Variants in AP1M1 observed in about 807,000 individuals in gnomAD.
AP1M1 encodes adaptor related protein complex 1 subunit mu 1.
AP1M1 carries 18 observed loss-of-function variants against 57.1 expected under a neutral mutation model. The observed-to-expected ratio is 0.32, with a 90% CI of 0.22 to 0.47. AP1M1 has a LOEUF of 0.47. AP1M1 is among the 20% of genes least tolerant of loss of function. The probability of loss-of-function intolerance (pLI) is 1.00; values close to 1 mark genes in which losing one functional copy is unlikely to be tolerated. For synonymous variants in AP1M1, 241 were observed against 237.9 expected, an observed-to-expected ratio of 1.01 and a Z score of -0.12; for missense variants, 362 against 593.5, an observed-to-expected ratio of 0.61 and a Z score of 4.05.
intron 1 of AP1M1, among the ~76,000 whole-genome samples, chr19:16,201,995 C>T (rs1369834998): frequency 1.3e-5 from 2 of 152,140 alleles, no homozygotes; most frequent in African/African-American, 2.4e-5. Context: ...CGTCTGGCTT[C>T]TGTGTAGGAA....
rs71334606 is a variant in AP1M1 at position 16,199,144 on chromosome 19, AG to A, written c.42+1080del. ...GTTCTTACGGTGTTCACAGGCTGGTAGGGGAGATGGATACCCATCTCCAAAA... is the reference window on the plus strand; with the variant it reads ...GTTCTTACGGTGTTCACAGGCTGGTAGGGAGATGGATACCCATCTCCAAAA... On this transcript the variant is annotated intron_variant, in intron 1 of 11. Transcript: ENST00000291439. Among the ~76,000 whole-genome samples the A allele has an allele frequency of 5.9e-5, 9 of 152,248 alleles. No homozygotes were observed. In the South Asian group the frequency reaches 8.3e-4, roughly 14 times the overall value.
At chr19:16,209,904 C>T (rs1191055607) in intron 5 of AP1M1, among the ~76,000 whole-genome samples, 1 of 152,050 alleles carries the variant, frequency 6.6e-6, no homozygotes, top group East Asian at 1.9e-4. Flanking sequence ...AGCGCTTGTA[C>T]AGATTTGTGT....
Position 16,197,968 on chromosome 19 carries a change from C to A in AP1M1, c.-59C>A. 2 of 1,487,314 alleles carry A rather than the reference C, an allele frequency of 1.3e-6. No homozygotes were observed. The highest frequency in any genetic ancestry group is 2.7e-5 in the East Asian group (1 of 36,522). The allele number at this position is 1,487,314 out of a possible 1,614,324, so 92.1% of individuals were successfully genotyped here. On this transcript the variant is annotated 5_prime_UTR_variant, in exon 1 of 12. Coordinates refer to ENST00000291439, the MANE Select transcript of AP1M1 (RefSeq NM_032493.4). ...CGGCCTTGCTCAACGCCCAGCAGTCCCCACCGTCGCTGCCGCCGCCACCGC... is the reference window on the plus strand; with the variant it reads ...CGGCCTTGCTCAACGCCCAGCAGTCACCACCGTCGCTGCCGCCGCCACCGC...
chr19:16,221,959 T>C (rs985475181), intron 5 of AP1M1, among the ~76,000 whole-genome samples: 1 of 152,166 alleles, frequency 6.6e-6, no homozygotes, highest in African/African-American at 2.4e-5. Context: ...GTGCTGGGAT[T>C]ACAGGCATGA....
chr19:16,231,313 C>CA (rs796599496), intron 9 of AP1M1, among the ~76,000 whole-genome samples: 1 of 42,814 alleles, frequency 2.3e-5, no homozygotes, highest in African/African-American at 4.5e-5. Flanking sequence ...AAAAAAAACA[C>CA]AGAGAGAGAT....
At position 16,203,143 on chromosome 19, in the gene AP1M1, G is replaced by C; in HGVS notation, c.43-316G>C. On this transcript the variant is annotated intron_variant, in intron 1 of 11. Transcript: ENST00000291439. The surrounding 1 kb of genome is among the most constrained non-coding windows in gnomAD (Gnocchi z 4.6). ...AAGGCTCTGAGAAGGTCTGCATTGA[G>C]AGCTTGTGAGGCATTGCTTAACCTG... is the stretch of plus-strand genomic sequence containing the variant. 2.8e-6 allele frequency: 1 copy of C among 352,390 alleles called. No individual in the cohort carries two copies. Among genetic ancestry groups the C allele is most frequent in the Non-Finnish European group, 5.3e-6 (1 of 188,068 alleles). 21.8% of individuals were successfully genotyped at this position (352,390 alleles called of 1,614,324 possible). A position where few individuals can be genotyped will look rare whatever the true frequency, so the allele number is the denominator to read the frequency against.
In AP1M1 at chr19:16,239,097, C is replaced by T. The variant is rs980002872; in HGVS notation, c.*4662C>T. 1 of 151,276 alleles carries T rather than the reference C, an allele frequency of 6.6e-6. No individual in the cohort carries two copies. Among genetic ancestry groups the T allele is most frequent in the Non-Finnish European group, 1.5e-5 (1 of 67,900 alleles). 9.4% of individuals were successfully genotyped at this position (151,276 alleles called of 1,614,324 possible). A position where few individuals can be genotyped will look rare whatever the true frequency, so the allele number is the denominator to read the frequency against. ...TACAGGCATGCGCCACCATGCCTGGCTAATTTTGTATTTTTGGTAGAGACG... is the reference window on the plus strand; with the variant it reads ...TACAGGCATGCGCCACCATGCCTGGTTAATTTTGTATTTTTGGTAGAGACG... On this transcript the variant is annotated 3_prime_UTR_variant, in exon 12 of 12. Coordinates refer to ENST00000291439, the MANE Select transcript of AP1M1 (RefSeq NM_032493.4).
At chr19:16,212,330 A>G (rs1232963937) in intron 5 of AP1M1, among the ~76,000 whole-genome samples, 6 of 152,178 alleles carry the variant, frequency 3.9e-5, no homozygotes, top group Admixed American at 3.9e-4. Flanking sequence ...CCATCTTGGA[A>G]GGGTATATGT....
rs1004488607 is a variant in AP1M1 at position 16,238,244 on chromosome 19, T to G, written c.*3809T>G. ...CAGAATTCTCTTGCAGAACTCTAGT[T>G]GAGAAAAGCCCTGAGAAGTCCATGC... On this transcript the variant is annotated 3_prime_UTR_variant, in exon 12 of 12. Coordinates refer to ENST00000291439, the MANE Select transcript of AP1M1 (RefSeq NM_032493.4). 8 of 152,240 alleles carry G rather than the reference T, an allele frequency of 5.3e-5. No homozygotes were observed. The highest frequency in any genetic ancestry group is 4.6e-4 in the Admixed American group (7 of 15,272). The allele number at this position is 152,240 out of a possible 1,614,324, so 9.4% of individuals were successfully genotyped here. A position where few individuals can be genotyped will look rare whatever the true frequency, so the allele number is the denominator to read the frequency against.
At position 16,227,531 on chromosome 19, in the gene AP1M1, C is replaced by G; in HGVS notation, c.674-17C>G. 3.7e-6 allele frequency: 6 copies of G among 1,613,068 alleles called. No individual in the cohort carries two copies. The highest frequency in any genetic ancestry group is 5.1e-6 in the Non-Finnish European group (6 of 1,179,250). On this transcript the variant is annotated splice_polypyrimidine_tract_variant and intron_variant, in intron 6 of 11. Transcript: ENST00000291439. The surrounding 1 kb of genome is among the most constrained non-coding windows in gnomAD (Gnocchi z 6.2). ...CCGGAGGGCCCAGATCTGTCCTACC[C>G]TCACCCCTGACCCCAGGCGGCAAAA...
In AP1M1 at chr19:16,227,086, C is replaced by T. The variant is rs2091574530; in HGVS notation, c.674-462C>T. On this transcript the variant is annotated intron_variant, in intron 6 of 11. Coordinates refer to ENST00000291439, the MANE Select transcript of AP1M1 (RefSeq NM_032493.4). The surrounding 1 kb of genome is among the most constrained non-coding windows in gnomAD (Gnocchi z 6.2). Reference sequence around the variant, plus strand: ...GCCCCCGTTCCTAGCCCGGTGAGGGCTTCTCGGGCATCAGTCTATCAGGGC... The same window carrying T: ...GCCCCCGTTCCTAGCCCGGTGAGGGTTTCTCGGGCATCAGTCTATCAGGGC... Among the ~76,000 whole-genome samples, 1 of 152,178 alleles carries T rather than the reference C, an allele frequency of 6.6e-6. No homozygotes were observed. Among genetic ancestry groups the T allele is most frequent in the Admixed American group, 6.5e-5 (1 of 15,286 alleles).
rs995449824 is a variant in AP1M1 at position 16,236,936 on chromosome 19, A to C, written c.*2501A>C. 1 of 152,246 alleles carries C rather than the reference A, an allele frequency of 6.6e-6. No individual in the cohort carries two copies. The highest frequency in any genetic ancestry group is 2.4e-5 in the African/African-American group (1 of 41,458). The allele number at this position is 152,246 out of a possible 1,614,324, so 9.4% of individuals were successfully genotyped here. ...AGATTATCGGCATGTAAACAAATAC[A>C]CTATGCAGTCAATCTGTTGCAAGTG... On this transcript the variant is annotated 3_prime_UTR_variant, in exon 12 of 12. Transcript: ENST00000291439.
In AP1M1 at chr19:16,235,403, G is replaced by C. The variant is rs2091620896; in HGVS notation, c.*968G>C. The C allele has an allele frequency of 6.6e-6, 1 of 152,258 alleles. No individual in the cohort carries two copies. Among genetic ancestry groups the C allele is most frequent in the Non-Finnish European group, 1.5e-5 (1 of 68,058 alleles). The allele number at this position is 152,258 out of a possible 1,614,324, so 9.4% of individuals were successfully genotyped here. On this transcript the variant is annotated 3_prime_UTR_variant, in exon 12 of 12. Coordinates refer to ENST00000291439, the MANE Select transcript of AP1M1 (RefSeq NM_032493.4). ...CTCCTCCTGCGTGACCACAGGGCTT[G>C]CCTGGTTTTGTCGCCGACCTTCCCT...
chr19:16,225,955 G>C (rs2091569198), intron 5 of AP1M1, among the ~76,000 whole-genome samples: 1 of 152,156 alleles, frequency 6.6e-6, no homozygotes, highest in African/African-American at 2.4e-5. Flanking sequence ...AGGGACCACA[G>C]GGTCCTGGCC....
At chr19:16,234,116 A>T in intron 10 of AP1M1, 83 bp from the exon 11 acceptor site, 1 of 1,387,244 alleles carries the variant, frequency 7.2e-7, no homozygotes, top group Non-Finnish European at 9.8e-7. Context: ...TGCCAGCCCC[A>T]GGCTGCCCCA....
At chr19:16,202,314 C>T (rs982857627) in intron 1 of AP1M1, among the ~76,000 whole-genome samples, 5 of 152,244 alleles carry the variant, frequency 3.3e-5, no homozygotes, top group Admixed American at 3.3e-4. Context: ...AGAGCTGCAG[C>T]TGCTCCAGGC....
rs916963565 is a variant in AP1M1, at chr19:16,244,650, G to GA, written c.*10218dup. The GA allele has an allele frequency of 1.3e-5, 2 of 151,872 alleles. No individual in the cohort carries two copies. The highest frequency in any genetic ancestry group is 4.8e-5 in the African/African-American group (2 of 41,374). 9.4% of individuals were successfully genotyped at this position (151,872 alleles called of 1,614,324 possible). ...TCGAGACCATCCTGGCTAACACGGT[G>GA]AAACCCCGTCTCTACTAAAAATACA... On this transcript the variant is annotated 3_prime_UTR_variant, in exon 12 of 12. Coordinates refer to ENST00000291439, the MANE Select transcript of AP1M1 (RefSeq NM_032493.4).
chr19:16,228,143 C>T lies in AP1M1; in HGVS notation c.823C>T (p.Pro275Ser). 1 of 1,613,906 alleles carries T rather than the reference C, an allele frequency of 6.2e-7. No homozygotes were observed. Among genetic ancestry groups the T allele is most frequent in the Non-Finnish European group, 8.5e-7 (1 of 1,180,008 alleles). The change falls in exon 8 of 12, where the codon CCT (proline) becomes TCT (serine). Residue 275 changes from proline (P) to serine (S), a missense_variant. Coordinates refer to ENST00000291439, the MANE Select transcript of AP1M1 (RefSeq NM_032493.4). The surrounding 1 kb of genome is among the most constrained non-coding windows in gnomAD (Gnocchi z 5.0). ...MSYRLNTHVK[P>S]LIWIESVIEK... ...TCTTTGCCCTCCTTGGCAGGTCAAG[C>T]CTTTGATATGGATCGAGTCGGTGAT...
In AP1M1 at chr19:16,226,401, G is replaced by A. The variant is rs752021520; in HGVS notation, c.547-20G>A. 1.5e-5 allele frequency: 23 copies of A among 1,517,260 alleles called. 1 individual carries two copies. The highest frequency in any genetic ancestry group is 7.3e-5 in the East Asian group (3 of 41,194). 94.0% of individuals were successfully genotyped at this position (1,517,260 alleles called of 1,614,324 possible). A position where few individuals can be genotyped will look rare whatever the true frequency, so the allele number is the denominator to read the frequency against. On this transcript the variant is annotated intron_variant, in intron 5 of 11. Coordinates refer to ENST00000291439, the MANE Select transcript of AP1M1 (RefSeq NM_032493.4). ...TGGTGAGTTGGGGACCTCCCCTCAC[G>A]CCCACACCGCCACCCCCAGGTCAGC...
Sources: allele counts gnomAD v4.1 joint callset (sites outside exome capture counted in the v4.1 genomes callset), GRCh38; gene constraint gnomAD v4.1.1; non-coding constraint Gnocchi (gnomAD v3.1); transcripts MANE v1.5; gene names NCBI Gene and HGNC (gene_info 2026-07-23, HGNC 2026-07-21).